The following UIMC1 variants were observed in gnomAD, a reference collection of about 807,000 sequenced individuals.
UIMC1 encodes ubiquitin interaction motif containing 1, also known as BRCA1-A complex subunit RAP80.
A neutral mutation model predicts 84.9 loss-of-function variants in UIMC1; 42 were observed. That is an observed-to-expected ratio of 0.49 (90% CI 0.39 to 0.64). The LOEUF (loss-of-function observed/expected upper bound fraction) is 0.64. UIMC1 is among the 30% of genes least tolerant of loss of function. The pLI is 0.00. For synonymous variants in UIMC1, 281 were observed against 293.0 expected (o/e 0.96, Z 0.42); for missense variants, 825 against 847.6 (o/e 0.97, Z 0.33).
Position 177,006,751 on chromosome 5 carries a change from GA to G in UIMC1, c.-111del, listed in dbSNP as rs1192755661. On this transcript the variant is annotated 5_prime_UTR_variant, in exon 1 of 15. Coordinates refer to ENST00000511320, the MANE Select transcript of UIMC1 (RefSeq NM_001199298.2). ...GGGAGGGGGAGGGGCGCGCGCGTCC[GA>G]TGCCAGAGACACGCTCTCGGGGCGG... 2 of 152,234 alleles carry G rather than the reference GA, an allele frequency of 1.3e-5. No individual in the cohort carries two copies. Among genetic ancestry groups the G allele is most frequent in the African/African-American group, 4.8e-5 (2 of 41,452 alleles). The allele number at this position is 152,234 out of a possible 1,614,324, so 9.4% of individuals were successfully genotyped here.
intron 1 of UIMC1, among the ~76,000 whole-genome samples, chr5:177,021,276 C>G (rs1775808323): frequency 6.6e-6 from 1 of 151,834 alleles, no homozygotes; most frequent in South Asian, 2.1e-4. Flanking sequence ...AACTCTGCCT[C>G]AAAAACAATT....
At chr5:176,977,764 C>A (rs924791623) in intron 2 of UIMC1, among the ~76,000 whole-genome samples, 6 of 151,272 alleles carry the variant, frequency 4.0e-5, no homozygotes, top group Non-Finnish European at 8.9e-5. Flanking sequence ...ACAAAAATTG[C>A]GCAGGTGTGG....
At chr5:176,949,348 G>A (rs1270706914) in intron 9 of UIMC1, among the ~76,000 whole-genome samples, 10 of 152,160 alleles carry the variant, frequency 6.6e-5, no homozygotes, top group Admixed American at 2.6e-4. Context: ...TAGCACAGAC[G>A]TGTACACCAT....
At chr5:176,939,574 GTACA>G (rs1764170623) in intron 10 of UIMC1, among the ~76,000 whole-genome samples, 3 of 152,138 alleles carry the variant, frequency 2.0e-5, no homozygotes, top group African/African-American at 7.2e-5. Context: ...GTAACACACT[GTACA>G]GGTTTGTAGC....
intron 13 of UIMC1, among the ~76,000 whole-genome samples, chr5:176,906,757 C>A (rs901932258): frequency 6.6e-6 from 1 of 152,180 alleles, no homozygotes; most frequent in Non-Finnish European, 1.5e-5. Context: ...GAATGATGCA[C>A]AAAACAATAG....
exon 1 of UIMC1, chr5:177,022,556 C>A: frequency 1.7e-6 from 1 of 598,440 alleles, no homozygotes; most frequent in Non-Finnish European, 2.7e-6. Context: ...GTTTCCGAAT[C>A]CACGGCACAC....
intron 10 of UIMC1, among the ~76,000 whole-genome samples, chr5:176,932,991 C>T (rs1318365546): frequency 6.6e-6 from 1 of 151,854 alleles, no homozygotes; most frequent in Non-Finnish European, 1.5e-5. Context: ...CACATCAGTG[C>T]CACTTCTGTT....
At chr5:176,933,135 G>C (rs1030901956) in intron 10 of UIMC1, among the ~76,000 whole-genome samples, 1 of 152,100 alleles carries the variant, frequency 6.6e-6, no homozygotes, top group Non-Finnish European at 1.5e-5. Flanking sequence ...GAACTGACGG[G>C]TGAGTGAAAC....
intron 4 of UIMC1, 102 bp downstream of exon 4, chr5:176,970,640 C>G: frequency 6.3e-7 from 1 of 1,580,382 alleles, no homozygotes; most frequent in African/African-American, 1.3e-5. Context: ...GGTGAAAACC[C>G]TATAAATGAC....
intron 10 of UIMC1, among the ~76,000 whole-genome samples, chr5:176,919,868 T>C (rs1036523897): frequency 2.0e-5 from 3 of 152,326 alleles, no homozygotes; most frequent in Non-Finnish European, 4.4e-5. Flanking sequence ...TACCTCTATG[T>C]CTTAATTAGT....
intron 1 of UIMC1, among the ~76,000 whole-genome samples, chr5:176,991,654 C>T (rs1177420531): frequency 7.0e-6 from 1 of 143,368 alleles, no homozygotes; most frequent in African/African-American, 2.6e-5. Context: ...AAAAAAAGGC[C>T]AGGCGCGGTG....
intron 10 of UIMC1, among the ~76,000 whole-genome samples, chr5:176,918,182 T>A (rs1457500116): frequency 6.6e-6 from 1 of 152,228 alleles, no homozygotes; most frequent in Non-Finnish European, 1.5e-5. Context: ...CCAAGCCTCC[T>A]CTGGCATACC....
Position 176,999,519 on chromosome 5 carries a change from G to A in UIMC1, c.-9+7131C>T, listed in dbSNP as rs149470768. ...CTTATTGATTCTATTTTTTTTTTTG[G>A]TACCCACTAACCATCCCCACCTCCC... is the stretch of plus-strand genomic sequence containing the variant. On this transcript the variant is annotated intron_variant, in intron 1 of 14. Coordinates refer to ENST00000511320, the MANE Select transcript of UIMC1 (RefSeq NM_001199298.2). Among the ~76,000 whole-genome samples the A allele has an allele frequency of 7.0e-3, 1,037 of 147,834 alleles. 16 individuals carry two copies. Among genetic ancestry groups the A allele is most frequent in the African/African-American group, 0.025 (995 of 40,402 alleles).
intron 10 of UIMC1, among the ~76,000 whole-genome samples, chr5:176,917,884 G>A (rs995747913): frequency 1.3e-5 from 2 of 152,120 alleles, no homozygotes; most frequent in Non-Finnish European, 2.9e-5. Flanking sequence ...GCTTGAACCT[G>A]GAAGGCAGAG....
intron 1 of UIMC1, among the ~76,000 whole-genome samples, chr5:176,992,134 T>G (rs1039364265): frequency 1.3e-5 from 2 of 152,016 alleles, no homozygotes; most frequent in Admixed American, 1.3e-4. Context: ...AAAGAAGAGA[T>G]AGATTAATAC....
chr5:176,984,301 C>G (rs1771595922), intron 1 of UIMC1, among the ~76,000 whole-genome samples: 1 of 116,830 alleles, frequency 8.6e-6, no homozygotes, highest in Admixed American at 8.1e-5. Context: ...GGCCGCCACC[C>G]CGTCTGGGAA....
intron 1 of UIMC1, among the ~76,000 whole-genome samples, chr5:176,998,279 C>T (rs1451546339): frequency 6.6e-6 from 1 of 151,866 alleles, no homozygotes; most frequent in East Asian, 1.9e-4. Context: ...CCCTGGCCAA[C>T]GTGGTGAAAC....
At chr5:176,931,653 G>T (rs1763099547) in intron 10 of UIMC1, among the ~76,000 whole-genome samples, 1 of 152,336 alleles carries the variant, frequency 6.6e-6, no homozygotes, top group African/African-American at 2.4e-5. Flanking sequence ...GAGCTGACAT[G>T]AGGAAATGTT....
At chr5:176,960,145 T>C (rs1169371862) in intron 6 of UIMC1, among the ~76,000 whole-genome samples, 1 of 152,248 alleles carries the variant, frequency 6.6e-6, no homozygotes, top group Non-Finnish European at 1.5e-5. Context: ...ACCATTAAAT[T>C]ATTTTAAAAA....
Sources: allele counts gnomAD v4.1 joint callset (sites outside exome capture counted in the v4.1 genomes callset), GRCh38; gene constraint gnomAD v4.1.1; transcripts MANE v1.5; gene names NCBI Gene and HGNC (gene_info 2026-07-23, HGNC 2026-07-21).